Variants in PPM1E observed in about 807,000 individuals in gnomAD.
PPM1E encodes the protein protein phosphatase, Mg2+/Mn2+ dependent 1E.
Under a neutral mutation model 65.9 loss-of-function variants are expected in PPM1E, and 20 were observed. That is an observed-to-expected ratio of 0.30 (90% CI 0.21 to 0.44). The LOEUF is 0.44. Ranked by LOEUF, PPM1E falls within the 20% of genes least tolerant of loss-of-function variation. The pLI, the probability that PPM1E is intolerant of heterozygous loss-of-function variation, is 1.00. For missense variants in PPM1E, 713 were observed against 953.1 expected (o/e 0.75, Z 3.32); for synonymous variants, 352 against 374.9 (o/e 0.94, Z 0.70).
intron 1 of PPM1E, among the ~76,000 whole-genome samples, chr17:58,888,491 G>A (rs9910782): frequency 0.37 from 56,583 of 150,920 alleles, 10,815 homozygotes; most frequent in Middle Eastern, 0.51. Flanking sequence ...AGCCTCCCGA[G>A]TAGCTGGGAT....
chr17:58,948,361 A>G (rs1005376222), intron 1 of PPM1E, among the ~76,000 whole-genome samples: 10 of 152,140 alleles, frequency 6.6e-5, no homozygotes, highest in Non-Finnish European at 1.2e-4. Flanking sequence ...AAGATTTCCC[A>G]AAGTCTAATC....
rs71367640 is a variant in PPM1E, at chr17:58,880,607, AGTTT to A, written c.465-75017_465-75014del. Among the ~76,000 whole-genome samples the A allele has an allele frequency of 3.0e-3, 458 of 150,878 alleles. 1 individual carries two copies. The highest frequency in any genetic ancestry group is 8.5e-3 in the African/African-American group (348 of 41,008). On this transcript the variant is annotated intron_variant, in intron 1 of 6. Transcript: ENST00000308249. ...TTTTCTTCTGATTCTGTTGTGAAAG[AGTTT>A]GTTTGTTTGTTTGTTTGTTTGTTTT...
intron 1 of PPM1E, among the ~76,000 whole-genome samples, chr17:58,932,129 A>G (rs1199513123): frequency 1.3e-5 from 2 of 152,122 alleles, no homozygotes; most frequent in African/African-American, 4.8e-5. Flanking sequence ...ATAAATAAAA[A>G]TAAAGGATTG....
At position 58,980,884 on chromosome 17, in the gene PPM1E, T is replaced by G; in HGVS notation, c.2121T>G (p.Leu707=). Residue 707 remains leucine (L), a synonymous_variant, in exon 7 of 7, where the codon CTT becomes CTG. Coordinates refer to ENST00000308249, the MANE Select transcript of PPM1E (RefSeq NM_014906.5). The surrounding 1 kb of genome is among the most constrained non-coding windows in gnomAD (Gnocchi z 4.7). The part of the protein sequence containing the change: ...SHKIGTSLSS[L]TGSGKRNRIR... ...AAATAGGCACTAGCCTGTCCTCACT[T>G]ACTGGAAGTGGGAAGAGAAATAGGA... 1 of 1,614,200 alleles carries G rather than the reference T, an allele frequency of 6.2e-7. No homozygotes were observed. Among genetic ancestry groups the G allele is most frequent in the South Asian group, 1.1e-5 (1 of 91,088 alleles).
At chr17:58,932,911 T>G (rs2051921298) in intron 1 of PPM1E, among the ~76,000 whole-genome samples, 1 of 152,214 alleles carries the variant, frequency 6.6e-6, no homozygotes, top group Admixed American at 6.5e-5. Context: ...TGCCCTGCTC[T>G]ATATAGATGT....
intron 1 of PPM1E, among the ~76,000 whole-genome samples, chr17:58,776,309 AGAG>A (rs1480752423): frequency 1.3e-5 from 2 of 152,190 alleles, no homozygotes; most frequent in Non-Finnish European, 2.9e-5. Flanking sequence ...CCTGGATGAC[AGAG>A]GAGACCCTGT....
chr17:58,856,629 C>T (rs1006411334), intron 1 of PPM1E, among the ~76,000 whole-genome samples: 1 of 152,010 alleles, frequency 6.6e-6, no homozygotes, highest in Non-Finnish European at 1.5e-5. Context: ...TAAATGAAGT[C>T]CTTAAAGTGA....
chr17:58,793,522 AT>A (rs1273819615), intron 1 of PPM1E, among the ~76,000 whole-genome samples: 3 of 150,348 alleles, frequency 2.0e-5, no homozygotes, highest in Non-Finnish European at 4.4e-5. Flanking sequence ...TGCCTGGCTA[AT>A]TTTTTTGTAT....
At chr17:58,818,942 G>A (rs925531762) in intron 1 of PPM1E, among the ~76,000 whole-genome samples, 1 of 152,324 alleles carries the variant, frequency 6.6e-6, no homozygotes. Context: ...ATTTCAGGCT[G>A]CAGTGCTGTA....
chr17:58,923,862 T>A (rs1039275912), intron 1 of PPM1E, among the ~76,000 whole-genome samples: 14 of 150,032 alleles, frequency 9.3e-5, no homozygotes, highest in Admixed American at 9.3e-4. Context: ...TGCAGTGAGC[T>A]ATGCTTGCAT....
chr17:58,831,855 C>T (rs939714813), intron 1 of PPM1E, among the ~76,000 whole-genome samples: 2 of 152,206 alleles, frequency 1.3e-5, no homozygotes, highest in Admixed American at 1.3e-4. Context: ...TTTAATTTCA[C>T]ATTTCAGGAG....
At chr17:58,805,970 AAAACAAAAAAAAAAC>A (rs2050305518) in intron 1 of PPM1E, among the ~76,000 whole-genome samples, 9 of 119,408 alleles carry the variant, frequency 7.5e-5, no homozygotes, top group Non-Finnish European at 1.0e-4. Flanking sequence ...ACAAAAAAAA[AAAACAAAAAAAAAAC>A]AAAACAAAAC....
At chr17:58,784,752 T>C (rs1400609963) in intron 1 of PPM1E, among the ~76,000 whole-genome samples, 1 of 151,794 alleles carries the variant, frequency 6.6e-6, no homozygotes, top group Non-Finnish European at 1.5e-5. Context: ...CTCTATCTCC[T>C]GACCTCGTGA....
chr17:58,836,369 A>G (rs2050656086), intron 1 of PPM1E, among the ~76,000 whole-genome samples: 1 of 151,720 alleles, frequency 6.6e-6, no homozygotes, highest in Non-Finnish European at 1.5e-5. Context: ...GGTGGCTCAC[A>G]CCTGCACTTT....
chr17:58,756,370 C>G lies in PPM1E; in HGVS notation c.373C>G (p.Pro125Ala). Residue 125 changes from proline (P) to alanine (A), a missense_variant, in exon 1 of 7, where the codon CCC (proline) becomes GCC (alanine). Around this residue, in one of 6 missense-constraint regions of PPM1E, gnomAD observed 212 missense variants for 204.0 expected, o/e 1.04. Coordinates refer to ENST00000308249, the MANE Select transcript of PPM1E (RefSeq NM_014906.5). ...PPPPPQLPPL[P>A]PLPRPLSERI... The stretch of plus-strand genomic sequence containing the variant: ...GCCGCCGCCCCAGCTGCCGCCTTTG[C>G]CCCCGCTCCCGCGACCGCTGTCAGA... 7.3e-7 allele frequency: 1 copy of G among 1,374,840 alleles called. No individual in the cohort carries two copies. Among genetic ancestry groups the G allele is most frequent in the Non-Finnish European group, 9.4e-7 (1 of 1,066,208 alleles). 85.2% of individuals were successfully genotyped at this position (1,374,840 alleles called of 1,614,324 possible). A position where few individuals can be genotyped will look rare whatever the true frequency, so the allele number is the denominator to read the frequency against.
At chr17:58,840,691 C>T (rs543131863) in intron 1 of PPM1E, among the ~76,000 whole-genome samples, 88 of 151,230 alleles carry the variant, frequency 5.8e-4, no homozygotes, top group Non-Finnish European at 1.0e-3. Context: ...GAAAGAGCAC[C>T]CAATGGGAAA....
chr17:58,967,525 G>A (rs555291787), intron 3 of PPM1E, among the ~76,000 whole-genome samples: 9 of 148,782 alleles, frequency 6.0e-5, no homozygotes, highest in African/African-American at 2.0e-4. Flanking sequence ...TATATAGAGA[G>A]AGAGAGAGAG....
chr17:58,910,888 G>T (rs1422456217), intron 1 of PPM1E, among the ~76,000 whole-genome samples: 1 of 152,140 alleles, frequency 6.6e-6, no homozygotes, highest in Non-Finnish European at 1.5e-5. Context: ...AGAAGAGGGT[G>T]CTCTGCCGCA....
chr17:58,972,346 A>C, intron 5 of PPM1E, 71 bp downstream of exon 5: 1 of 1,465,628 alleles, frequency 6.8e-7, no homozygotes, highest in Non-Finnish European at 9.2e-7. Context: ...ATTGATTAGG[A>C]TTCACTTACT....
Sources: allele counts gnomAD v4.1 joint callset (sites outside exome capture counted in the v4.1 genomes callset), GRCh38; gene constraint gnomAD v4.1.1; regional missense constraint gnomAD v4.1.1; non-coding constraint Gnocchi (gnomAD v3.1); transcripts MANE v1.5; gene names NCBI Gene and HGNC (gene_info 2026-07-23, HGNC 2026-07-21).